The following STAT5B variants were observed in gnomAD, a reference collection of about 807,000 sequenced individuals.
STAT5B encodes signal transducer and activator of transcription 5B, also known as transcription factor STAT5B.
In STAT5B, 21 loss-of-function variants were observed where a neutral mutation model predicts 107.8. The ratio of observed to expected loss-of-function variants is 0.19; its 90% CI spans 0.14 to 0.28. The LOEUF is 0.28. STAT5B is among the 10% of genes least tolerant of loss of function. The pLI is 1.00. For missense variants in STAT5B, 565 were observed against 1,008.2 expected, an observed-to-expected ratio of 0.56 and a Z score of 5.95; for synonymous variants, 325 against 401.7, an observed-to-expected ratio of 0.81 and a Z score of 2.28.
intron 1 of STAT5B, among the ~76,000 whole-genome samples, chr17:42,244,242 C>G (rs1255597506): frequency 6.6e-6 from 1 of 150,958 alleles, no homozygotes; most frequent in Admixed American, 6.6e-5. Flanking sequence ...TGTGTGCCAC[C>G]ATGCCCGGCT....
At chr17:42,265,389 TGA>T (rs2080660991) in intron 1 of STAT5B, among the ~76,000 whole-genome samples, 2 of 149,376 alleles carry the variant, frequency 1.3e-5, no homozygotes, top group African/African-American at 2.5e-5. Context: ...TTTTTTTTTT[TGA>T]GACGAAGTCT....
intron 3 of STAT5B, among the ~76,000 whole-genome samples, chr17:42,225,503 G>A (rs559795951): frequency 6.6e-6 from 1 of 152,104 alleles, no homozygotes; most frequent in East Asian, 1.9e-4. Flanking sequence ...TGTGATACCC[G>A]AGAAGGACAA....
At chr17:42,221,492 G>A (rs1429614440) in intron 5 of STAT5B, among the ~76,000 whole-genome samples, 3 of 152,240 alleles carry the variant, frequency 2.0e-5, no homozygotes, top group Non-Finnish European at 2.9e-5. Context: ...AGAAGACACT[G>A]CGTGATAGAT....
rs2080042133 is a variant in STAT5B, at chr17:42,201,398, C to A, written c.*340G>T. The A allele has an allele frequency of 5.0e-6, 3 of 596,262 alleles. No individual in the cohort carries two copies. Among genetic ancestry groups the A allele is most frequent in the South Asian group, 2.0e-5 (1 of 48,868 alleles). The allele number at this position is 596,262 out of a possible 1,614,324, so 36.9% of individuals were successfully genotyped here. On this transcript the variant is annotated 3_prime_UTR_variant, in exon 19 of 19. Transcript: ENST00000293328. Reference sequence around the variant, plus strand: ...ACTCTTAAGACACATGGCCAACTTCCAGGCTTCACGAAACTCACTGCCTTT... The same window carrying A: ...ACTCTTAAGACACATGGCCAACTTCAAGGCTTCACGAAACTCACTGCCTTT...
At chr17:42,240,958 C>A (rs1168947909) in intron 1 of STAT5B, among the ~76,000 whole-genome samples, 2 of 152,176 alleles carry the variant, frequency 1.3e-5, no homozygotes, top group Non-Finnish European at 2.9e-5. Context: ...TGCTTCTGAT[C>A]TGAAAAGTAC....
rs892570954 is a variant in STAT5B at position 42,224,834 on chromosome 17, C to T, written c.320G>A (p.Arg107His). Residue 107 changes from arginine to histidine, a missense_variant, in exon 4 of 19, where the codon CGC becomes CAC. Around this residue, in one of 11 missense-constraint regions of STAT5B, gnomAD observed 83 missense variants for 145.1 expected, o/e 0.57. Transcript: ENST00000293328. ...ATTGTACAATATATGGCGGATGCAG[C>T]GGACCAGCTCCATGGGGCAGCGGTC... The part of the protein sequence containing the change: ...TYDRCPMELV[R>H]CIRHILYNEQ... 3.7e-6 allele frequency: 6 copies of T among 1,613,718 alleles called. No homozygotes were observed. The highest frequency in any genetic ancestry group is 1.7e-5 in the Admixed American group (1 of 59,990).
At chr17:42,275,893 T>C (rs1044289174) in intron 1 of STAT5B, among the ~76,000 whole-genome samples, 1 of 151,600 alleles carries the variant, frequency 6.6e-6, no homozygotes, top group South Asian at 2.1e-4. Context: ...AACGTGAAGG[T>C]GTGAGGCGGC....
intron 2 of STAT5B, among the ~76,000 whole-genome samples, chr17:42,230,715 C>G (rs2080310413): frequency 6.6e-6 from 1 of 151,742 alleles, no homozygotes; most frequent in Admixed American, 6.6e-5. Context: ...GGCTGGAGTG[C>G]AGTAGTGCGA....
At chr17:42,263,871 G>GCACACACGCACA (rs1555553707) in intron 1 of STAT5B, among the ~76,000 whole-genome samples, 147 of 145,030 alleles carry the variant, frequency 1.0e-3, no homozygotes, top group African/African-American at 3.5e-3. Context: ...TAGAAAGCGC[G>GCACACACGCACA]CACACACACA....
intron 16 of STAT5B, 148 bp from the exon 17 acceptor site, chr17:42,202,956 G>GT (rs1286231298): frequency 1.8e-6 from 2 of 1,131,318 alleles, no homozygotes; most frequent in Non-Finnish European, 2.6e-6. Context: ...TTTTTGTTTT[G>GT]TTTTTTGAAA....
intron 5 of STAT5B, among the ~76,000 whole-genome samples, chr17:42,223,158 T>C (rs1442567603): frequency 6.6e-6 from 1 of 152,182 alleles, no homozygotes; most frequent in Non-Finnish European, 1.5e-5. Context: ...TCCCTGGATG[T>C]GGGGACCTGA....
In STAT5B at chr17:42,257,856, T is replaced by C. The variant is rs181592946; in HGVS notation, c.-11+18392A>G. The stretch of plus-strand genomic sequence containing the variant: ...AAACCTAGGTATAACAAAAATATTT[T>C]GAAACACTTAAAAATGTCCATGTGT... On this transcript the variant is annotated intron_variant, in intron 1 of 18. Coordinates refer to ENST00000293328, the MANE Select transcript of STAT5B (RefSeq NM_012448.4). 2.5e-3 allele frequency among the ~76,000 whole-genome samples: 382 copies of C among 152,316 alleles called. 1 individual carries two copies. Among genetic ancestry groups the C allele is most frequent in the Admixed American group, 4.7e-3 (72 of 15,282 alleles).
Position 42,218,844 on chromosome 17 carries a change from G to A in STAT5B, c.868C>T (p.Arg290Trp), listed in dbSNP as rs1470880250. 1.2e-6 allele frequency: 2 copies of A among 1,613,542 alleles called. No homozygotes were observed. Among genetic ancestry groups the A allele is most frequent in the Non-Finnish European group, 1.7e-6 (2 of 1,179,816 alleles). The change falls in exon 8 of 19, where the codon CGG becomes TGG. Residue 290 changes from arginine (R) to tryptophan (W), a missense_variant. This residue lies in a region of STAT5B where 48 missense variants were observed against 106.5 expected (regional missense o/e 0.45). Coordinates refer to ENST00000293328, the MANE Select transcript of STAT5B (RefSeq NM_012448.4). ...EKLAEIIWQN[R>W]QQIRRAEHLC... ...TGCTCAGCCCTGCGGATCTGCTGCC[G>A]GTTCTGCCAGATGATCTCGGCCAAC...
At chr17:42,215,863 C>T (rs1210652612) in intron 12 of STAT5B, 151 bp downstream of exon 12, 3 of 828,666 alleles carry the variant, frequency 3.6e-6, no homozygotes, top group South Asian at 2.9e-5. Context: ...CTCAGGTGAT[C>T]CAACCGCCTC....
At chr17:42,211,361 C>T (rs1426351853) in intron 13 of STAT5B, among the ~76,000 whole-genome samples, 1 of 151,924 alleles carries the variant, frequency 6.6e-6, no homozygotes. Flanking sequence ...TACAAAATTG[C>T]GGGGCGTGGT....
At chr17:42,209,467 C>T (rs1017955610) in intron 15 of STAT5B, among the ~76,000 whole-genome samples, 7 of 152,176 alleles carry the variant, frequency 4.6e-5, no homozygotes, top group Admixed American at 2.6e-4. Context: ...GGCTCAAGCC[C>T]GTAATCCCAA....
At chr17:42,286,521 G>A in the STAT5B span, among the ~76,000 whole-genome samples, 1 of 152,184 alleles carries the variant, frequency 6.6e-6, no homozygotes, top group Non-Finnish European at 1.5e-5. Context: ...TGTTTGGTGG[G>A]TGGGGCTGCC....
chr17:42,211,467 T>C (rs564848953), intron 13 of STAT5B, among the ~76,000 whole-genome samples: 1 of 151,964 alleles, frequency 6.6e-6, no homozygotes, highest in Non-Finnish European at 1.5e-5. Flanking sequence ...GATCGTGCCA[T>C]TGCAGTCCAG....
intron 1 of STAT5B, among the ~76,000 whole-genome samples, chr17:42,272,861 C>A (rs887782647): frequency 3.3e-5 from 5 of 152,136 alleles, no homozygotes; most frequent in Admixed American, 3.3e-4. Context: ...AACTCTGAAA[C>A]CATCAAAAGT....
Sources: allele counts gnomAD v4.1 joint callset (sites outside exome capture counted in the v4.1 genomes callset), GRCh38; gene constraint gnomAD v4.1.1; regional missense constraint gnomAD v4.1.1; transcripts MANE v1.5; gene names NCBI Gene and HGNC (gene_info 2026-07-23, HGNC 2026-07-21).